The following KCNIP4 variants were observed in gnomAD, a reference collection of about 807,000 sequenced individuals.
KCNIP4 encodes the protein Kv channel-interacting protein 4.
Under a neutral mutation model 34.0 loss-of-function variants are expected in KCNIP4, and 12 were observed. That is an observed-to-expected ratio of 0.35 (90% confidence interval 0.23 to 0.57). KCNIP4 has a LOEUF of 0.57. KCNIP4 is among the 20% of genes least tolerant of loss of function. KCNIP4 has a pLI of 0.83. For synonymous variants in KCNIP4, 124 were observed against 102.2 expected, an observed-to-expected ratio of 1.21 and a Z score of -1.29; for missense variants, 238 against 311.7, an observed-to-expected ratio of 0.76 and a Z score of 1.78.
intron 3 of KCNIP4, among the ~76,000 whole-genome samples, chr4:20,829,353 G>T (rs1375610191): frequency 1.3e-5 from 2 of 151,950 alleles, no homozygotes; most frequent in East Asian, 3.9e-4. Flanking sequence ...GACTATAGGC[G>T]CCTGCCACCA....
chr4:21,059,920 C>T (rs1183998966), intron 1 of KCNIP4, among the ~76,000 whole-genome samples: 1 of 151,980 alleles, frequency 6.6e-6, no homozygotes, highest in East Asian at 1.9e-4. Context: ...AAAAGAAAAA[C>T]TCACATTTTT....
chr4:21,567,288 T>G (rs1027699339), intron 1 of KCNIP4, among the ~76,000 whole-genome samples: 3 of 151,962 alleles, frequency 2.0e-5, no homozygotes, highest in Non-Finnish European at 4.4e-5. Flanking sequence ...ATACCTATAT[T>G]TTTTCCTTCT....
chr4:21,665,947 A>G (rs1748916313), intron 1 of KCNIP4, among the ~76,000 whole-genome samples: 1 of 152,186 alleles, frequency 6.6e-6, no homozygotes, highest in Non-Finnish European at 1.5e-5. Context: ...GTGGAAACTA[A>G]CTTTAATATC....
chr4:20,790,779 C>A (rs1226174267), intron 3 of KCNIP4, among the ~76,000 whole-genome samples: 1 of 152,006 alleles, frequency 6.6e-6, no homozygotes, highest in Admixed American at 6.6e-5. Flanking sequence ...TGGTCACCTG[C>A]AGTAAGTTGG....
intron 1 of KCNIP4, among the ~76,000 whole-genome samples, chr4:21,383,410 A>G (rs1048855144): frequency 6.6e-6 from 1 of 150,994 alleles, no homozygotes; most frequent in Non-Finnish European, 1.5e-5. Flanking sequence ...ATAAGGTGCT[A>G]TGGGACACCT....
chr4:21,446,798 T>C (rs1399707321), intron 1 of KCNIP4, among the ~76,000 whole-genome samples: 2 of 152,248 alleles, frequency 1.3e-5, no homozygotes, highest in South Asian at 2.1e-4. Context: ...AAAAAAAACT[T>C]ATTTCTTTCA....
intron 1 of KCNIP4, among the ~76,000 whole-genome samples, chr4:21,083,493 C>T (rs1015107178): frequency 1.3e-5 from 2 of 151,718 alleles, no homozygotes; most frequent in African/African-American, 4.9e-5. Flanking sequence ...ACATGTATCC[C>T]TTTAAAAGGG....
At chr4:21,296,998 G>A (rs1327998953) in intron 1 of KCNIP4, among the ~76,000 whole-genome samples, 2 of 151,480 alleles carry the variant, frequency 1.3e-5, no homozygotes, top group South Asian at 2.1e-4. Flanking sequence ...GTATGTGTGT[G>A]TGTATACATA....
intron 1 of KCNIP4, among the ~76,000 whole-genome samples, chr4:21,576,976 A>T (rs1740787541): frequency 6.6e-6 from 1 of 152,160 alleles, no homozygotes; most frequent in Admixed American, 6.6e-5. Context: ...TTCCTAAAAC[A>T]TTAGTTTTAT....
intron 1 of KCNIP4, among the ~76,000 whole-genome samples, chr4:21,540,890 G>A (rs2108997683): frequency 6.6e-6 from 1 of 152,164 alleles, no homozygotes; most frequent in Non-Finnish European, 1.5e-5. Context: ...AAGAGATGAG[G>A]CCTGGCACGG....
At chr4:21,465,107 A>C (rs997619157) in intron 1 of KCNIP4, among the ~76,000 whole-genome samples, 1 of 152,080 alleles carries the variant, frequency 6.6e-6, no homozygotes, top group Non-Finnish European at 1.5e-5. Context: ...TTGAGTATAA[A>C]TAGAAGAAGA....
chr4:20,967,842 G>A (rs1259472687), intron 1 of KCNIP4, among the ~76,000 whole-genome samples: 1 of 152,114 alleles, frequency 6.6e-6, no homozygotes, highest in Non-Finnish European at 1.5e-5. Flanking sequence ...AGAAAACCTA[G>A]GCAATACCAT....
At chr4:21,699,967 T>A (rs1163052161) in intron 1 of KCNIP4, among the ~76,000 whole-genome samples, 1 of 152,114 alleles carries the variant, frequency 6.6e-6, no homozygotes, top group Non-Finnish European at 1.5e-5. Context: ...GTAGTCAGTT[T>A]CTGGATATAA....
At chr4:21,300,974 G>A (rs1481005674) in intron 1 of KCNIP4, among the ~76,000 whole-genome samples, 1 of 152,104 alleles carries the variant, frequency 6.6e-6, no homozygotes, top group Non-Finnish European at 1.5e-5. Flanking sequence ...GAGTAGCAGA[G>A]GAGGCATAAG....
At chr4:21,537,383 T>C (rs1737268996) in intron 1 of KCNIP4, among the ~76,000 whole-genome samples, 1 of 152,178 alleles carries the variant, frequency 6.6e-6, no homozygotes, top group Non-Finnish European at 1.5e-5. Flanking sequence ...TGCCATTTAA[T>C]ACCTTTTATC....
chr4:21,704,074 T>C (rs1315816640), intron 1 of KCNIP4, among the ~76,000 whole-genome samples: 2 of 152,126 alleles, frequency 1.3e-5, no homozygotes, highest in African/African-American at 2.4e-5. Flanking sequence ...AGCTATTCAG[T>C]AGAGGAAAGA....
chr4:21,899,911 C>T (rs925770639), intron 1 of KCNIP4, among the ~76,000 whole-genome samples: 13 of 151,928 alleles, frequency 8.6e-5, no homozygotes, highest in African/African-American at 2.9e-4. Flanking sequence ...ATATCAATGA[C>T]ATTCTTCACC....
chr4:21,393,632 T>G (rs973267811), intron 1 of KCNIP4, among the ~76,000 whole-genome samples: 3 of 152,162 alleles, frequency 2.0e-5, no homozygotes, highest in East Asian at 1.9e-4. Flanking sequence ...ATAACTGACA[T>G]AAACCCTGAA....
intron 1 of KCNIP4, among the ~76,000 whole-genome samples, chr4:20,986,259 G>T (rs1454302892): frequency 1.3e-5 from 2 of 152,118 alleles, no homozygotes; most frequent in Non-Finnish European, 2.9e-5. Flanking sequence ...TTGAGTCCTA[G>T]AAATAAGTTG....
Sources: gnomAD v4.1 joint callset for allele counts (sites outside exome capture counted in the v4.1 genomes callset) on GRCh38, gnomAD v4.1.1 for gene constraint, MANE v1.5 for transcripts, NCBI Gene and HGNC (gene_info 2026-07-23, HGNC 2026-07-21) for gene names.